PPARGC1B: variants seen among roughly 807,000 people sequenced by gnomAD.
PPARGC1B encodes the protein PPARG coactivator 1 beta.
Under a neutral mutation model 101.6 loss-of-function variants are expected in PPARGC1B, and 34 were observed. The ratio of observed to expected loss-of-function variants is 0.33; its 90% confidence interval spans 0.25 to 0.45. The LOEUF is 0.45. Among genes scored for constraint, PPARGC1B ranks in the 20% least tolerant of loss-of-function variants. The pLI is 1.00. For missense variants in PPARGC1B, 1,234 were observed against 1,317.6 expected (o/e 0.94, Z 0.98); for synonymous variants, 548 against 539.3 (o/e 1.02, Z -0.22).
chr5:149,820,106 G>C (rs933961812), intron 1 of PPARGC1B, among the ~76,000 whole-genome samples: 1 of 152,158 alleles, frequency 6.6e-6, no homozygotes, highest in Non-Finnish European at 1.5e-5. Flanking sequence ...ATGTGTAAAG[G>C]ATTAGCTCCT....
chr5:149,750,582 A>G (rs1755261405), intron 1 of PPARGC1B, among the ~76,000 whole-genome samples: 1 of 151,454 alleles, frequency 6.6e-6, no homozygotes, highest in Non-Finnish European at 1.5e-5. Context: ...CAGAATGGCC[A>G]TTCTTGGGCC....
At chr5:149,825,269 A>AT (rs1460128648) in intron 2 of PPARGC1B, among the ~76,000 whole-genome samples, 2 of 152,164 alleles carry the variant, frequency 1.3e-5, no homozygotes, top group Non-Finnish European at 2.9e-5. Flanking sequence ...TTTGGACGTT[A>AT]TTTGCTATGT....
intron 1 of PPARGC1B, among the ~76,000 whole-genome samples, chr5:149,749,443 T>A (rs531345411): frequency 6.6e-6 from 1 of 152,180 alleles, no homozygotes; most frequent in South Asian, 2.1e-4. Flanking sequence ...AGAGAGATGT[T>A]TTTTGAATGG....
intron 1 of PPARGC1B, among the ~76,000 whole-genome samples, chr5:149,765,674 C>CG (rs1403796455): frequency 2.0e-5 from 3 of 151,976 alleles, no homozygotes; most frequent in Non-Finnish European, 4.4e-5. Context: ...CTGGCCAACA[C>CG]GGGGAAACTC....
downstream of PPARGC1B, among the ~76,000 whole-genome samples, chr5:149,856,992 A>G (rs914760253): frequency 6.6e-6 from 1 of 152,024 alleles, no homozygotes; most frequent in Non-Finnish European, 1.5e-5. Context: ...GACTGGTCTC[A>G]AACTCCTGAC....
chr5:149,736,675 GGCAGATCAGTCCTCTTAGAGT>G (rs1754723222), intron 1 of PPARGC1B, among the ~76,000 whole-genome samples: 1 of 152,094 alleles, frequency 6.6e-6, no homozygotes, highest in Admixed American at 6.5e-5. Flanking sequence ...TAGCCCAGAT[GGCAGATCAGTCCTCTTAGAGT>G]GCATATCTGA....
chr5:149,758,424 G>A (rs755002333), intron 1 of PPARGC1B, among the ~76,000 whole-genome samples: 4 of 152,220 alleles, frequency 2.6e-5, no homozygotes, highest in Non-Finnish European at 5.9e-5. Flanking sequence ...GCTTAGAGTC[G>A]ACTGGGAAGA....
rs775473205 is a variant in PPARGC1B at position 149,847,557 on chromosome 5, G to C, written c.3071G>C (p.Ter1024SerextTer1). The change falls in exon 12 of 12, where the codon TGA becomes TCA. Residue 1024 changes from the stop codon to serine, a stop_lost. Coordinates refer to ENST00000309241, the MANE Select transcript of PPARGC1B (RefSeq NM_133263.4). ...LLKEAQQSLH* is the reference protein window; with the variant it reads ...LLKEAQQSLHS ...AAAGAGGCCCAGCAGAGCCTGCATT[G>C]ATAACAGCCTTAACCCTCGAGGAAT... The C allele has an allele frequency of 1.2e-6, 2 of 1,611,208 alleles. No individual in the cohort carries two copies. The highest frequency in any genetic ancestry group is 1.7e-4 in the Middle Eastern group (1 of 6,056).
chr5:149,834,122 C>T (rs1049686532), intron 5 of PPARGC1B, among the ~76,000 whole-genome samples: 3 of 152,192 alleles, frequency 2.0e-5, no homozygotes, highest in African/African-American at 4.8e-5. Context: ...GTGACAGAAG[C>T]GTAAGGCTAT....
In PPARGC1B at chr5:149,833,801, G is replaced by A. The variant is rs201409536; in HGVS notation, c.1705+23G>A. On this transcript the variant is annotated intron_variant, in intron 5 of 11. Transcript: ENST00000309241. This position sits in a 1 kb window ranked among gnomAD's most constrained non-coding sequence, Gnocchi z 4.1. The stretch of plus-strand genomic sequence containing the variant: ...GAGGTAGTCAGAGTTGGTGGTCTGC[G>A]AAGTGGGGGCAGGGATGGGGTGCAG... 1.4e-3 allele frequency: 2,039 copies of A among 1,467,440 alleles called. 5 individuals carry two copies. The highest frequency in any genetic ancestry group is 2.2e-3 in the Admixed American group (91 of 40,510). The allele number at this position is 1,467,440 out of a possible 1,614,324, so 90.9% of individuals were successfully genotyped here.
In PPARGC1B at chr5:149,845,809, C is replaced by G. The variant is rs1180477755; in HGVS notation, c.2866C>G (p.Leu956Val). ...CTACCGGTGTTCTGAGCACGCGGCC[C>G]TCTCTTTGACAAAGGGCGCTGCCCT... ...ITYRCSEHAA[L>V]SLTKGAALRK... is the part of the protein sequence containing the mutation. The change falls in exon 11 of 12, where the codon CTC becomes GTC. Residue 956 changes from leucine to valine, a missense_variant. Physicochemically the swap from Leu to Val is conservative, Grantham distance 32 (BLOSUM62 1). Transcript: ENST00000309241. The G allele has an allele frequency of 6.2e-7, 1 of 1,613,978 alleles. No homozygotes were observed. Among genetic ancestry groups the G allele is most frequent in the Admixed American group, 1.7e-5 (1 of 60,012 alleles).
intron 1 of PPARGC1B, among the ~76,000 whole-genome samples, chr5:149,785,932 C>CTG (rs1756788704): frequency 1.2e-5 from 1 of 81,714 alleles, no homozygotes; most frequent in Non-Finnish European, 2.7e-5. Flanking sequence ...TTTTTTTTTT[C>CTG]TTTTTTTGAG....
intron 1 of PPARGC1B, among the ~76,000 whole-genome samples, chr5:149,807,697 A>C (rs527339984): frequency 6.6e-6 from 1 of 152,346 alleles, no homozygotes; most frequent in South Asian, 2.1e-4. Flanking sequence ...ATTTAATAAC[A>C]GTTCCTGGAG....
chr5:149,821,015 C>T (rs918904603), intron 2 of PPARGC1B, among the ~76,000 whole-genome samples: 7 of 152,162 alleles, frequency 4.6e-5, no homozygotes, highest in African/African-American at 1.7e-4. Flanking sequence ...AGTCATGTGC[C>T]TAGGGCAATT....
At chr5:149,743,572 A>T (rs1754985338) in intron 1 of PPARGC1B, among the ~76,000 whole-genome samples, 1 of 152,166 alleles carries the variant, frequency 6.6e-6, no homozygotes, top group Non-Finnish European at 1.5e-5. Context: ...GCCCCCAATA[A>T]ATAGTTGTTG....
chr5:149,805,863 C>T (rs1757579753), intron 1 of PPARGC1B, among the ~76,000 whole-genome samples: 1 of 152,254 alleles, frequency 6.6e-6, no homozygotes, highest in Non-Finnish European at 1.5e-5. Context: ...ATAATTCCTC[C>T]CATTTCAAAG....
chr5:149,787,274 T>C lies in PPARGC1B; in HGVS notation c.79-33159T>C, dbSNP rs528352680. 9.2e-5 allele frequency among the ~76,000 whole-genome samples: 14 copies of C among 152,310 alleles called. No homozygotes were observed. The South Asian group carries it at 2.9e-3, about 32-fold the overall frequency. On this transcript the variant is annotated intron_variant, in intron 1 of 11. Coordinates refer to ENST00000309241, the MANE Select transcript of PPARGC1B (RefSeq NM_133263.4). Reference sequence around the variant, plus strand: ...ATGATGGCTGGAAAAGATGGCCCTCTGGTTGCCCAGGACTAGGTCATGGGC... The same window carrying C: ...ATGATGGCTGGAAAAGATGGCCCTCCGGTTGCCCAGGACTAGGTCATGGGC...
intron 1 of PPARGC1B, among the ~76,000 whole-genome samples, chr5:149,786,106 T>C (rs1212002653): frequency 3.3e-5 from 5 of 151,296 alleles, no homozygotes; most frequent in African/African-American, 1.2e-4. Context: ...TTTTGTTTTG[T>C]TTTTGAGATG....
At chr5:149,792,064 TGAAGA>T (rs1257355525) in intron 1 of PPARGC1B, among the ~76,000 whole-genome samples, 4 of 151,920 alleles carry the variant, frequency 2.6e-5, no homozygotes, top group Non-Finnish European at 5.9e-5. Context: ...GGCAGGGTGT[TGAAGA>T]GAACAGAGTG....
Sources: allele counts gnomAD v4.1 joint callset (sites outside exome capture counted in the v4.1 genomes callset), GRCh38; gene constraint gnomAD v4.1.1; non-coding constraint Gnocchi (gnomAD v3.1); transcripts MANE v1.5; gene names NCBI Gene and HGNC (gene_info 2026-07-23, HGNC 2026-07-21).